The following TEX36 variants were observed in gnomAD, a reference collection of about 807,000 sequenced individuals.
The protein encoded by TEX36 is testis-expressed protein 36.
In TEX36, 12 loss-of-function variants were observed where a neutral mutation model predicts 13.6. That is an observed-to-expected ratio of 0.88 (90% CI 0.56 to 1.43). TEX36 has a LOEUF of 1.43. Ranked by LOEUF, TEX36 falls within the 40% of genes most tolerant of loss-of-function variation. TEX36 has a pLI of 0.00. For synonymous variants in TEX36, 93 were observed against 83.0 expected, an observed-to-expected ratio of 1.12 and a Z score of -0.65; for missense variants, 224 against 228.3, an observed-to-expected ratio of 0.98 and a Z score of 0.12.
chr10:125,577,035 C>T lies in TEX36; in HGVS notation c.265-161G>A, dbSNP rs115785103. Among the ~76,000 whole-genome samples the T allele has an allele frequency of 4.6e-3, 697 of 152,246 alleles. 8 individuals carry two copies. Among genetic ancestry groups the T allele is most frequent in the African/African-American group, 0.016 (664 of 41,530 alleles). Reference sequence around the variant, plus strand: ...GACTTAGCCTGAGCCCTAGGCCCATCCATGAACTGGGGCAAGGGAATGGGA... The same window carrying T: ...GACTTAGCCTGAGCCCTAGGCCCATTCATGAACTGGGGCAAGGGAATGGGA... On this transcript the variant is annotated intron_variant, in intron 3 of 3. Coordinates refer to the TEX36 transcript ENST00000532135.
chr10:125,585,918 C>T (rs565555318), intron 3 of TEX36, among the ~76,000 whole-genome samples: 1 of 152,314 alleles, frequency 6.6e-6, no homozygotes, highest in East Asian at 1.9e-4. Context: ...GCATGGAACC[C>T]TAGGAAGGTT....
intron 3 of TEX36, among the ~76,000 whole-genome samples, chr10:125,600,154 G>A (rs1846128316): frequency 6.6e-6 from 1 of 152,230 alleles, no homozygotes; most frequent in Non-Finnish European, 1.5e-5. Context: ...CTTATGACCT[G>A]TGTCATCTTC....
At chr10:125,667,805 G>T in intron 1 of TEX36, 1 of 1,140,210 alleles carries the variant, frequency 8.8e-7, no homozygotes, top group Non-Finnish European at 1.3e-6. Flanking sequence ...GGTGTTCTCG[G>T]CGTTAAGGGA....
intron 1 of TEX36, 66 bp from the exon 2 acceptor site, chr10:125,662,043 G>A: frequency 1.9e-6 from 3 of 1,547,476 alleles, no homozygotes; most frequent in Non-Finnish European, 1.7e-6. Flanking sequence ...AAGTATCAGG[G>A]CTTCCTTTGT....
intron 1 of TEX36, among the ~76,000 whole-genome samples, chr10:125,681,644 A>G (rs1847395420): frequency 6.6e-6 from 1 of 152,150 alleles, no homozygotes; most frequent in Non-Finnish European, 1.5e-5. Flanking sequence ...ATAACTTTCT[A>G]TTTGATTTAT....
chr10:125,669,943 G>A lies in TEX36; in HGVS notation c.52-7966C>T, dbSNP rs926390302. On this transcript the variant is annotated intron_variant, in intron 1 of 3. Transcript: ENST00000368821. ...AGGACATGATCTCATTCCTTTTTAT[G>A]GCTGCATAATATTCCGTGGTGTACA... Among the ~76,000 whole-genome samples, 93 of 152,150 alleles carry A rather than the reference G, an allele frequency of 6.1e-4. 8 individuals are homozygous for A.
intron 1 of TEX36, among the ~76,000 whole-genome samples, chr10:125,663,301 A>G (rs1847074796): frequency 6.6e-6 from 1 of 152,234 alleles, no homozygotes; most frequent in Admixed American, 6.5e-5. Flanking sequence ...TCCATTCGTC[A>G]ATTTATGAAC....
At chr10:125,676,538 AGTTGG>A in intron 1 of TEX36, among the ~76,000 whole-genome samples, 1 of 152,114 alleles carries the variant, frequency 6.6e-6, no homozygotes, top group Admixed American at 6.5e-5. Context: ...AGCAGCATAT[AGTTGG>A]ATCTTTTTTT....
chr10:125,649,493 T>C (rs1278210464), intron 3 of TEX36, among the ~76,000 whole-genome samples: 3 of 152,142 alleles, frequency 2.0e-5, no homozygotes, highest in Non-Finnish European at 4.4e-5. Flanking sequence ...CAAGAGCTCC[T>C]GAAGGAAGCG....
chr10:125,586,929 T>C (rs542533023), intron 3 of TEX36, among the ~76,000 whole-genome samples: 6 of 152,292 alleles, frequency 3.9e-5, no homozygotes, highest in African/African-American at 1.4e-4. Context: ...TGGTTTCTAA[T>C]GGACTAGCAC....
rs1231427352 is a variant in TEX36 at position 125,649,135 on chromosome 10, A to G, written c.264+11886T>C. 3.9e-5 allele frequency among the ~76,000 whole-genome samples: 6 copies of G among 152,188 alleles called. No individual in the cohort carries two copies. The East Asian group carries it at 9.6e-4, about 24-fold the overall frequency. ...ACCTAGTGAGGCAGGCCAACATTCA[A>G]ATTCAGGAAATACAGAGAACGCCAC... On this transcript the variant is annotated intron_variant, in intron 3 of 3. Coordinates refer to the TEX36 transcript ENST00000526819.
intron 3 of TEX36, among the ~76,000 whole-genome samples, chr10:125,648,338 G>A (rs575873153): frequency 4.1e-4 from 63 of 152,170 alleles, no homozygotes; most frequent in African/African-American, 1.3e-3. Context: ...AACATTTGCC[G>A]TTCTGCAATA....
intron 1 of TEX36, among the ~76,000 whole-genome samples, chr10:125,674,545 C>G (rs1196994556): frequency 6.6e-6 from 1 of 152,162 alleles, no homozygotes; most frequent in Non-Finnish European, 1.5e-5. Flanking sequence ...AATTCTTTCT[C>G]CTTTTTGTGA....
chr10:125,616,234 G>C (rs1424020626), intron 3 of TEX36, among the ~76,000 whole-genome samples: 2 of 152,032 alleles, frequency 1.3e-5, no homozygotes, highest in East Asian at 3.9e-4. Context: ...CAAAAAACCA[G>C]CTCCTGGATT....
chr10:125,584,110 A>C (rs2133524810), intron 3 of TEX36, among the ~76,000 whole-genome samples: 1 of 152,338 alleles, frequency 6.6e-6, no homozygotes, highest in Non-Finnish European at 1.5e-5. Context: ...TGGACATGAA[A>C]GACCACCTCG....
chr10:125,626,656 G>T lies in TEX36; in HGVS notation c.265-5011C>A, dbSNP rs149562280. ...AAAGCCATGATGGAGCAGACACAGA[G>T]GCCATGAAGTGGGGAGAAGGAGGGC... On this transcript the variant is annotated intron_variant, in intron 3 of 3. Transcript: ENST00000526819. Among the ~76,000 whole-genome samples, 586 of 152,306 alleles carry T rather than the reference G, an allele frequency of 3.8e-3. 3 individuals carry two copies. Among genetic ancestry groups the T allele is most frequent in the African/African-American group, 0.013 (541 of 41,564 alleles).
At chr10:125,647,766 G>A (rs758787485) in intron 3 of TEX36, among the ~76,000 whole-genome samples, 7 of 151,330 alleles carry the variant, frequency 4.6e-5, no homozygotes, top group South Asian at 2.1e-4. Flanking sequence ...AAGGGAAGCC[G>A]TGACAGATGT....
downstream of TEX36, among the ~76,000 whole-genome samples, chr10:125,619,625 G>C (rs1034232138): frequency 6.6e-6 from 1 of 151,950 alleles, no homozygotes; most frequent in African/African-American, 2.4e-5. Flanking sequence ...GTCTTGGCTC[G>C]CTGCAACCTC....
chr10:125,608,858 G>A (rs948099881), intron 3 of TEX36, among the ~76,000 whole-genome samples: 27 of 151,814 alleles, frequency 1.8e-4, no homozygotes, highest in African/African-American at 5.8e-4. Context: ...AGGGAGGCCG[G>A]GCGCGGTGGC....
Sources: gnomAD v4.1 joint callset for allele counts (sites outside exome capture counted in the v4.1 genomes callset) on GRCh38, gnomAD v4.1.1 for gene constraint, MANE v1.5 for transcripts, NCBI Gene and HGNC (gene_info 2026-07-23, HGNC 2026-07-21) for gene names.